CCDC50: variants seen among roughly 807,000 people sequenced by gnomAD.
CCDC50 encodes the protein coiled-coil domain containing 50, also known as coiled-coil domain-containing protein 50.
Under a neutral mutation model 70.2 loss-of-function variants are expected in CCDC50, and 54 were observed. The observed-to-expected ratio is 0.77, with a 90% CI of 0.62 to 0.96. CCDC50 has a LOEUF of 0.96. Among genes scored for constraint, CCDC50 ranks in the 50% least tolerant of loss-of-function variants. CCDC50 has a pLI of 0.00. For missense variants in CCDC50, 558 were observed against 578.7 expected (o/e 0.96, Z 0.37); for synonymous variants, 216 against 198.8 (o/e 1.09, Z -0.73).
chr3:191,383,887 A>C (rs1182576318), intron 10 of CCDC50, among the ~76,000 whole-genome samples: 1 of 152,184 alleles, frequency 6.6e-6, no homozygotes, highest in Non-Finnish European at 1.5e-5. Flanking sequence ...CAAAGTATCC[A>C]AGTAAAAGAA....
intron 5 of CCDC50, among the ~76,000 whole-genome samples, chr3:191,371,685 G>C (rs775093583): frequency 1.3e-5 from 2 of 152,170 alleles, no homozygotes; most frequent in Non-Finnish European, 2.9e-5. Flanking sequence ...GTAGAGCTCA[G>C]CCTTTTTAGT....
At chr3:191,347,264 CCTTATA>C (rs1391014146) in intron 1 of CCDC50, among the ~76,000 whole-genome samples, 5 of 141,738 alleles carry the variant, frequency 3.5e-5, no homozygotes, top group Non-Finnish European at 7.9e-5. Context: ...TTTCCATTCA[CCTTATA>C]CTTAATTTAT....
At chr3:191,381,693 A>G (rs1176038437) in intron 9 of CCDC50, among the ~76,000 whole-genome samples, 3 of 152,148 alleles carry the variant, frequency 2.0e-5, no homozygotes, top group African/African-American at 4.8e-5. Flanking sequence ...CTAGGTGGAA[A>G]AAGAGCAGAG....
Position 191,393,118 on chromosome 3 carries a change from T to G in CCDC50, c.*1358T>G, listed in dbSNP as rs1713752486. 1 of 152,230 alleles carries G rather than the reference T, an allele frequency of 6.6e-6. No individual in the cohort carries two copies. Among genetic ancestry groups the G allele is most frequent in the South Asian group, 2.1e-4 (1 of 4,830 alleles). 9.4% of individuals were successfully genotyped at this position (152,230 alleles called of 1,614,324 possible). A position where few individuals can be genotyped will look rare whatever the true frequency, so the allele number is the denominator to read the frequency against. On this transcript the variant is annotated 3_prime_UTR_variant, in exon 12 of 12. Coordinates refer to ENST00000392455, the MANE Select transcript of CCDC50 (RefSeq NM_178335.3). The stretch of plus-strand genomic sequence containing the variant: ...TCTGTACAAGACCTTTAAGCACCTC[T>G]TCAAGAAATTTAGTCTTTGTGTAGC...
At chr3:191,341,744 T>G (rs895404287) in intron 1 of CCDC50, among the ~76,000 whole-genome samples, 1 of 152,216 alleles carries the variant, frequency 6.6e-6, no homozygotes, top group African/African-American at 2.4e-5. Flanking sequence ...ACCCCACTCT[T>G]GTGAAACTGC....
chr3:191,342,388 G>C (rs558652766), intron 1 of CCDC50, among the ~76,000 whole-genome samples: 1 of 152,046 alleles, frequency 6.6e-6, no homozygotes, highest in East Asian at 1.9e-4. Flanking sequence ...ACTCCTAATA[G>C]GAAGGAAAGT....
intron 1 of CCDC50, among the ~76,000 whole-genome samples, chr3:191,341,283 G>A (rs1711721073): frequency 6.6e-6 from 1 of 152,152 alleles, no homozygotes; most frequent in Admixed American, 6.5e-5. Context: ...TATTTATTGA[G>A]CTGCTGCTTA....
At position 191,375,316 on chromosome 3, in the gene CCDC50, A is replaced by T; in HGVS notation, c.703A>T (p.Arg235Ter). ...ACGGTCCACTCAGGAGAGGCCTCGG[A>T]GACCTCTGCTTCCCACGATCAGTGG... Reference protein sequence around the residue: ...RKRSTQERPRRPLLPTISGEV... With the variant: ...RKRSTQERPR Residue 235 changes from arginine (R) to a stop codon, truncating the protein, a stop_gained, in exon 6 of 12, where the codon AGA (arginine) becomes TGA (stop). Transcript: ENST00000392455. LOFTEE classifies it high-confidence loss of function. The T allele has an allele frequency of 6.2e-7, 1 of 1,613,772 alleles. No homozygotes were observed. Among genetic ancestry groups the T allele is most frequent in the Non-Finnish European group, 8.5e-7 (1 of 1,179,826 alleles).
intron 5 of CCDC50, among the ~76,000 whole-genome samples, chr3:191,370,522 T>C (rs1712875654): frequency 6.6e-6 from 1 of 151,306 alleles, no homozygotes; most frequent in Non-Finnish European, 1.5e-5. Flanking sequence ...GGAGTCTTGC[T>C]CTGTCACCCA....
Position 191,369,793 on chromosome 3 carries a change from G to T in CCDC50, c.331-126G>T, listed in dbSNP as rs1251344967. ...TGGCATTTGAAGACATGAAATTAAT[G>T]CCAGAAAGTCTAGAGAGCCATGGAC... On this transcript the variant is annotated intron_variant, in intron 4 of 11. Transcript: ENST00000392455. 6 of 736,604 alleles carry T rather than the reference G, an allele frequency of 8.1e-6. No homozygotes were observed. In the East Asian group the frequency reaches 1.5e-4, roughly 19 times the overall value. The allele number at this position is 736,604 out of a possible 1,614,324, so 45.6% of individuals were successfully genotyped here.
intron 1 of CCDC50, among the ~76,000 whole-genome samples, chr3:191,334,294 G>A (rs942794929): frequency 7.2e-5 from 11 of 152,156 alleles, no homozygotes; most frequent in African/African-American, 2.6e-4. Flanking sequence ...TTCACAAAAG[G>A]GAAGAAAATA....
In CCDC50 at chr3:191,375,608, G is replaced by C. The variant is rs370227079; in HGVS notation, c.976+19G>C. ...GACGCAGGTAATAGAGGACAGTCTC[G>C]ATGGAAGTCCTGGTATCATGTATAT... On this transcript the variant is annotated intron_variant, in intron 6 of 11. Coordinates refer to ENST00000392455, the MANE Select transcript of CCDC50 (RefSeq NM_178335.3). 8 of 1,609,546 alleles carry C rather than the reference G, an allele frequency of 5.0e-6. No individual in the cohort carries two copies. Among genetic ancestry groups the C allele is most frequent in the Non-Finnish European group, 6.8e-6 (8 of 1,177,928 alleles).
At chr3:191,355,094 T>G (rs1712234587) in intron 1 of CCDC50, among the ~76,000 whole-genome samples, 1 of 152,160 alleles carries the variant, frequency 6.6e-6, no homozygotes, top group South Asian at 2.1e-4. Context: ...AATGCCTTTC[T>G]CAGGCTTAGT....
chr3:191,384,144 A>C (rs1285308439), intron 10 of CCDC50, among the ~76,000 whole-genome samples: 2 of 152,114 alleles, frequency 1.3e-5, no homozygotes, highest in African/African-American at 4.8e-5. Context: ...TGGCATACTG[A>C]AAGAGTGAAT....
chr3:191,380,263 G>C lies in CCDC50; in HGVS notation c.1081G>C (p.Glu361Gln). The change falls in exon 7 of 12, where the codon GAA becomes CAA. Residue 361 changes from glutamate to glutamine, a missense_variant. Physicochemically the swap from Glu to Gln is conservative, Grantham distance 29. Coordinates refer to ENST00000392455, the MANE Select transcript of CCDC50 (RefSeq NM_178335.3). The stretch of plus-strand genomic sequence containing the variant: ...TGAAATTGCCAGAAAACTGCAAGAA[G>C]AAGAACTTTTGGTGAGCAAATTTTA... ...DAEIARKLQE[E>Q]ELLATQVDMR... The C allele has an allele frequency of 6.2e-7, 1 of 1,611,506 alleles. No individual in the cohort carries two copies. The highest frequency in any genetic ancestry group is 8.5e-7 in the Non-Finnish European group (1 of 1,178,136).
intron 1 of CCDC50, among the ~76,000 whole-genome samples, chr3:191,343,432 G>T (rs1329855080): frequency 1.3e-5 from 2 of 152,194 alleles, no homozygotes. Context: ...AAGTTACTGT[G>T]TAAGAGTTTA....
At chr3:191,359,332 T>G (rs2108650020) in intron 3 of CCDC50, among the ~76,000 whole-genome samples, 1 of 152,310 alleles carries the variant, frequency 6.6e-6, no homozygotes, top group Middle Eastern at 3.4e-3. Context: ...AATCTCACGT[T>G]AGCTGCAAGA....
chr3:191,330,053 C>A (rs1717912833), intron 1 of CCDC50, among the ~76,000 whole-genome samples: 1 of 152,024 alleles, frequency 6.6e-6, no homozygotes, highest in African/African-American at 2.4e-5. Context: ...TGACTTACTC[C>A]GCTTCTAAAA....
rs771676527 is a variant in CCDC50 at position 191,375,538 on chromosome 3, A to G, written c.925A>G (p.Arg309Gly). 2 of 1,613,502 alleles carry G rather than the reference A, an allele frequency of 1.2e-6. No individual in the cohort carries two copies. Among genetic ancestry groups the G allele is most frequent in the East Asian group, 2.2e-5 (1 of 44,830 alleles). ...GEHRKRRHRP[R>G]TPPFSESEEQ... Reference sequence around the variant, plus strand: ...GCACAGAAAAAGGAGACACAGGCCCAGGACTCCTCCATTCTCAGAGAGTGA... The same window carrying G: ...GCACAGAAAAAGGAGACACAGGCCCGGGACTCCTCCATTCTCAGAGAGTGA... The change falls in exon 6 of 12, where the codon AGG becomes GGG. Residue 309 changes from arginine (R) to glycine (G), a missense_variant. Arg to Gly is a moderately radical substitution (Grantham distance 125). Transcript: ENST00000392455.
Sources: allele counts gnomAD v4.1 joint callset (sites outside exome capture counted in the v4.1 genomes callset), GRCh38; gene constraint gnomAD v4.1.1; transcripts MANE v1.5; gene names NCBI Gene and HGNC (gene_info 2026-07-23, HGNC 2026-07-21).